The following SPATA31H1 variants were observed in gnomAD, a reference collection of about 807,000 sequenced individuals.
SPATA31H1 encodes spermatogenesis-associated protein 31H1.
At chr2:27,580,861 G>A in the SPATA31H1 span, 2 of 1,614,164 alleles carry the variant, frequency 1.2e-6, no homozygotes, top group Non-Finnish European at 8.5e-7. Context: ...ATATTGTGGG[G>A]AGGAACGGTC....
chr2:27,568,297 CTG>C, the SPATA31H1 span: 1 of 398,850 alleles, frequency 2.5e-6, no homozygotes, highest in Non-Finnish European at 4.4e-6. Flanking sequence ...GTTACGGAAA[CTG>C]TGGAAATGAT....
the SPATA31H1 span, chr2:27,568,189 C>T: frequency 5.0e-6 from 2 of 398,986 alleles, no homozygotes; most frequent in East Asian, 3.6e-5. Flanking sequence ...ATGACTCCAA[C>T]ACCACGATAT....
At chr2:27,550,125 T>C in the SPATA31H1 span, among the ~76,000 whole-genome samples, 1 of 152,004 alleles carries the variant, frequency 6.6e-6, no homozygotes, top group Admixed American at 6.5e-5. Context: ...ATAATTTTAT[T>C]TCTTTCTTTC....
At chr2:27,569,827 A>G in the SPATA31H1 span, 1 of 398,956 alleles carries the variant, frequency 2.5e-6, no homozygotes, top group Non-Finnish European at 4.4e-6. Flanking sequence ...AAATCTTCTG[A>G]ATTGACCTCA....
the SPATA31H1 span, chr2:27,582,080 G>A: frequency 8.1e-6 from 13 of 1,613,254 alleles, no homozygotes; most frequent in Non-Finnish European, 1.7e-6. Context: ...CCTTTGAGAG[G>A]AGCCATCGTA....
chr2:27,577,170 G>T, the SPATA31H1 span: 15 of 1,614,020 alleles, frequency 9.3e-6, no homozygotes, highest in Admixed American at 1.7e-5. The surrounding 1 kb of genome is among the most constrained non-coding windows in gnomAD (Gnocchi z 4.5). Flanking sequence ...GCTGCAGCCA[G>T]ATCTTCAGGT....
At chr2:27,565,692 G>A in the SPATA31H1 span, among the ~76,000 whole-genome samples, 422 of 152,306 alleles carry the variant, frequency 2.8e-3, 2 homozygotes, top group African/African-American at 9.6e-3. Context: ...AGAGTTTGGT[G>A]AGGGAAGTTT....
At chr2:27,569,806 A>T in the SPATA31H1 span, 1 of 398,930 alleles carries the variant, frequency 2.5e-6, no homozygotes, top group Non-Finnish European at 4.4e-6. Context: ...GGCCCATCTC[A>T]GCCAAGTGTC....
the SPATA31H1 span, chr2:27,579,909 G>C: frequency 6.2e-7 from 1 of 1,614,156 alleles, no homozygotes; most frequent in Non-Finnish European, 8.5e-7. Flanking sequence ...TCTAGCTTCA[G>C]GTCTAGTCCT....
At chr2:27,580,179 A>G in the SPATA31H1 span, 1 of 1,614,018 alleles carries the variant, frequency 6.2e-7, no homozygotes, top group Admixed American at 1.7e-5. Flanking sequence ...GAAAGCTAAA[A>G]TCTATACTCA....
At chr2:27,579,163 T>A in the SPATA31H1 span, 1 of 1,614,196 alleles carries the variant, frequency 6.2e-7, no homozygotes, top group Non-Finnish European at 8.5e-7. Context: ...AAAGGTCTCA[T>A]CAAGTCTTTC....
At chr2:27,577,672 A>C in the SPATA31H1 span, 1 of 1,614,080 alleles carries the variant, frequency 6.2e-7, no homozygotes, top group Non-Finnish European at 8.5e-7. This position sits in a 1 kb window ranked among gnomAD's most constrained non-coding sequence, Gnocchi z 4.5. Flanking sequence ...TTGACTTCTA[A>C]GTCAGGAGTG....
chr2:27,539,658 G>A, the SPATA31H1 span, among the ~76,000 whole-genome samples: 3 of 103,384 alleles, frequency 2.9e-5, no homozygotes, highest in Admixed American at 1.2e-4. Flanking sequence ...GGCCGTGGCC[G>A]GGCAGAGGGG....
the SPATA31H1 span, among the ~76,000 whole-genome samples, chr2:27,555,295 G>C: frequency 1.3e-5 from 2 of 151,790 alleles, no homozygotes; most frequent in Non-Finnish European, 2.9e-5. Context: ...AGACCAATTA[G>C]GCATACTATG....
chr2:27,554,064 A>C, the SPATA31H1 span, among the ~76,000 whole-genome samples: 1 of 152,046 alleles, frequency 6.6e-6, no homozygotes, highest in East Asian at 1.9e-4. Context: ...CTCTGTTTCT[A>C]ATAATATGTT....
chr2:27,576,136 G>C, the SPATA31H1 span: 1 of 403,518 alleles, frequency 2.5e-6, no homozygotes, highest in South Asian at 1.2e-4. Flanking sequence ...TCTATGGAGT[G>C]CAAACTTGCG....
the SPATA31H1 span, chr2:27,581,871 T>TGCAGTCCCTCTGAGAGAAGACATC: frequency 6.1e-4 from 842 of 1,386,106 alleles, no homozygotes; most frequent in African/African-American, 8.5e-3. Context: ...GAGAAGCCAT[T>TGCAGTCCCTCTGAGAGAAGACATC]GCAGTCCCTC....
chr2:27,569,628 G>C, the SPATA31H1 span: 1 of 398,816 alleles, frequency 2.5e-6, no homozygotes, highest in Non-Finnish European at 4.4e-6. Flanking sequence ...GCTGGGTCTA[G>C]AGTCACAGTT....
At chr2:27,541,124 C>T in the SPATA31H1 span, among the ~76,000 whole-genome samples, 2 of 148,434 alleles carry the variant, frequency 1.3e-5, no homozygotes, top group Admixed American at 6.7e-5. Context: ...AAGGAGACTC[C>T]GTCTGCAATC....
Sources: gnomAD v4.1 joint callset for allele counts (sites outside exome capture counted in the v4.1 genomes callset) on GRCh38, gnomAD v4.1.1 for gene constraint, Gnocchi (gnomAD v3.1) non-coding constraint, MANE v1.5 for transcripts, NCBI Gene and HGNC (gene_info 2026-07-23, HGNC 2026-07-21) for gene names.